CIMIP5: variants seen among roughly 807,000 people sequenced by gnomAD.
CIMIP5 encodes the protein uncharacterized protein C2orf50.
At chr2:11,140,870 C>A in the CIMIP5 span, among the ~76,000 whole-genome samples, 1 of 152,034 alleles carries the variant, frequency 6.6e-6, no homozygotes, top group Non-Finnish European at 1.5e-5. Flanking sequence ...GTGGCGTGCC[C>A]GAGAAGGACA....
the CIMIP5 span, among the ~76,000 whole-genome samples, chr2:11,135,041 C>T: frequency 6.6e-6 from 1 of 152,058 alleles, no homozygotes; most frequent in African/African-American, 2.4e-5. Context: ...GAGGAGGTGT[C>T]AGGTTCTTTT....
At chr2:11,139,066 C>T in the CIMIP5 span, among the ~76,000 whole-genome samples, 5 of 152,080 alleles carry the variant, frequency 3.3e-5, no homozygotes, top group East Asian at 3.9e-4. Flanking sequence ...TACAGGCGCC[C>T]GCCACCATGC....
At chr2:11,152,273 G>A in the CIMIP5 span, among the ~76,000 whole-genome samples, 1 of 152,234 alleles carries the variant, frequency 6.6e-6, no homozygotes, top group Admixed American at 6.5e-5. Context: ...TAGCTAATTT[G>A]TTAGTCCTAC....
chr2:11,147,237 C>G, the CIMIP5 span, among the ~76,000 whole-genome samples: 82 of 152,310 alleles, frequency 5.4e-4, no homozygotes, highest in African/African-American at 1.7e-3. Flanking sequence ...TGGTCAGGGT[C>G]TCACAACTAG....
the CIMIP5 span, among the ~76,000 whole-genome samples, chr2:11,141,830 A>T: frequency 6.6e-6 from 1 of 151,976 alleles, no homozygotes; most frequent in African/African-American, 2.4e-5. Flanking sequence ...ATTATTTTTT[A>T]AAAAGAGAAA....
chr2:11,138,122 G>A, the CIMIP5 span, among the ~76,000 whole-genome samples: 2 of 152,258 alleles, frequency 1.3e-5, no homozygotes, highest in African/African-American at 4.8e-5. Flanking sequence ...GGGATTACAG[G>A]CGTGAGCCAC....
At chr2:11,146,676 T>C in the CIMIP5 span, 1 of 152,312 alleles carries the variant, frequency 6.6e-6, no homozygotes, top group South Asian at 2.1e-4. Context: ...CCTTCCTACT[T>C]GGATCTGGAG....
the CIMIP5 span, among the ~76,000 whole-genome samples, chr2:11,150,658 G>C: frequency 6.6e-6 from 1 of 151,090 alleles, no homozygotes; most frequent in Non-Finnish European, 1.5e-5. Context: ...TTTTAATGAA[G>C]GTGGGGGAAT....
At chr2:11,135,098 A>C in the CIMIP5 span, among the ~76,000 whole-genome samples, 3 of 152,158 alleles carry the variant, frequency 2.0e-5, no homozygotes, top group Non-Finnish European at 4.4e-5. Context: ...GAGCTCATCC[A>C]TTACCGCAAG....
the CIMIP5 span, among the ~76,000 whole-genome samples, chr2:11,141,076 A>G: frequency 2.1e-5 from 3 of 144,986 alleles, no homozygotes; most frequent in Non-Finnish European, 4.5e-5. Flanking sequence ...TAAACCATCT[A>G]TCTCCCCAGC....
At chr2:11,153,863 G>T in the CIMIP5 span, among the ~76,000 whole-genome samples, 1 of 150,154 alleles carries the variant, frequency 6.7e-6, no homozygotes, top group Non-Finnish European at 1.5e-5. Flanking sequence ...GGTGGAGGTC[G>T]CAGTGAGCAG....
chr2:11,140,455 T>C, the CIMIP5 span: 8 of 1,341,490 alleles, frequency 6.0e-6, no homozygotes, highest in East Asian at 7.1e-5. Context: ...GTGAAAGTCA[T>C]TGGTAAAAAT....
At chr2:11,152,879 G>A in the CIMIP5 span, among the ~76,000 whole-genome samples, 2 of 152,098 alleles carry the variant, frequency 1.3e-5, no homozygotes, top group Admixed American at 6.6e-5. Flanking sequence ...ACCTAGGACC[G>A]CCCCCATCCC....
chr2:11,135,138 A>T, the CIMIP5 span, among the ~76,000 whole-genome samples: 1 of 151,856 alleles, frequency 6.6e-6, no homozygotes, highest in Non-Finnish European at 1.5e-5. Context: ...TGACCCAAAC[A>T]CCTCCCACTA....
At chr2:11,137,544 G>C in the CIMIP5 span, among the ~76,000 whole-genome samples, 1 of 152,176 alleles carries the variant, frequency 6.6e-6, no homozygotes, top group African/African-American at 2.4e-5. Flanking sequence ...TGAACAAGAA[G>C]GTCCAACCTA....
chr2:11,136,837 A>G, the CIMIP5 span, among the ~76,000 whole-genome samples: 3 of 152,264 alleles, frequency 2.0e-5, no homozygotes, highest in Non-Finnish European at 2.9e-5. Context: ...CTGGAAGAGC[A>G]CAATGGATCA....
the CIMIP5 span, among the ~76,000 whole-genome samples, chr2:11,152,910 C>T: frequency 6.6e-3 from 998 of 152,300 alleles, 6 homozygotes; most frequent in South Asian, 0.02. Context: ...GGAGCAAAGC[C>T]AGTGCCCACA....
chr2:11,143,568 C>CAA, the CIMIP5 span, among the ~76,000 whole-genome samples: 42 of 104,556 alleles, frequency 4.0e-4, no homozygotes, highest in African/African-American at 8.0e-4. Context: ...ACAAATTTAC[C>CAA]AAAAAAAAAA....
the CIMIP5 span, among the ~76,000 whole-genome samples, chr2:11,142,032 G>A: frequency 6.6e-6 from 1 of 152,056 alleles, no homozygotes; most frequent in Non-Finnish European, 1.5e-5. Context: ...TTGGGAGGCC[G>A]AGGCAGGTGG....
Sources: allele counts gnomAD v4.1 joint callset (sites outside exome capture counted in the v4.1 genomes callset), GRCh38; gene constraint gnomAD v4.1.1; transcripts MANE v1.5; gene names NCBI Gene and HGNC (gene_info 2026-07-23, HGNC 2026-07-21).